PCNX2: variants seen among roughly 807,000 people sequenced by gnomAD.
PCNX2 encodes the protein pecanex-like protein 2.
A neutral mutation model predicts 223.8 loss-of-function variants in PCNX2; 168 were observed. The ratio of observed to expected loss-of-function variants is 0.75; its 90% CI spans 0.66 to 0.85. The LOEUF is 0.85. Ranked by LOEUF, PCNX2 falls within the 40% of genes least tolerant of loss-of-function variation. The pLI, the probability that PCNX2 is intolerant of heterozygous loss-of-function variation, is 0.00. For missense variants in PCNX2, 2,507 were observed against 2,675.5 expected (o/e 0.94, Z 1.39); for synonymous variants, 1,006 against 1,052.6 (o/e 0.96, Z 0.86).
intron 23 of PCNX2, among the ~76,000 whole-genome samples, chr1:233,067,949 G>T (rs1306465739): frequency 6.6e-6 from 1 of 151,976 alleles, no homozygotes; most frequent in Non-Finnish European, 1.5e-5. Flanking sequence ...TGTAATTAAA[G>T]AACTAAAATC....
At position 233,135,031 on chromosome 1, in the gene PCNX2, C is replaced by A. The variant is rs761400087; in HGVS notation, c.3819G>T (p.Val1273=). The part of the protein sequence containing the change: ...SESFLLDFFM[V]SILFSKLGDL... ...CACTTGCCTTGCTAAATAAAATGGA[C>A]ACCATGAAGAAATCCAGTAAGAAGC... Residue 1273 remains valine, a synonymous_variant, in exon 21 of 34, where the codon GTG becomes GTT. Transcript: ENST00000258229. 6.2e-7 allele frequency: 1 copy of A among 1,608,262 alleles called. No homozygotes were observed. The highest frequency in any genetic ancestry group is 8.5e-7 in the Non-Finnish European group (1 of 1,174,754).
chr1:233,291,617 A>AG (rs1661771904), intron 1 of PCNX2: 1 of 908,646 alleles, frequency 1.1e-6, no homozygotes, highest in East Asian at 1.3e-4. Flanking sequence ...TCAAAAAAAA[A>AG]AAAAAAAAAA....
chr1:233,116,196 C>T (rs1236797976), intron 21 of PCNX2, among the ~76,000 whole-genome samples: 4 of 152,094 alleles, frequency 2.6e-5, no homozygotes, highest in African/African-American at 9.7e-5. Context: ...TTCAACACAC[C>T]ACTCTCAACA....
chr1:233,085,696 C>T (rs1020655365), intron 23 of PCNX2, among the ~76,000 whole-genome samples: 1 of 152,170 alleles, frequency 6.6e-6, no homozygotes, highest in African/African-American at 2.4e-5. Flanking sequence ...TAATACCTTA[C>T]TCACTAGAAA....
chr1:233,318,332 C>A, the PCNX2 span, among the ~76,000 whole-genome samples: 4 of 152,100 alleles, frequency 2.6e-5, no homozygotes, highest in Non-Finnish European at 5.9e-5. Flanking sequence ...CTCCCTTTAA[C>A]CGCTGCAGTT....
At chr1:232,985,609 CCTT>C (rs2102771981) in intron 33 of PCNX2, 1 of 271,426 alleles carries the variant, frequency 3.7e-6, no homozygotes, top group African/African-American at 2.2e-5. Flanking sequence ...TTAGAACTCT[CCTT>C]GTCTAGTATT....
rs375535681 is a variant in PCNX2, at chr1:233,225,380, C to T, written c.2504+1846G>A. 5.9e-5 allele frequency among the ~76,000 whole-genome samples: 9 copies of T among 152,118 alleles called. No homozygotes were observed. In the East Asian group the frequency reaches 7.7e-4, roughly 13 times the overall value. ...TTATACCCATTTAACAGATAGGAAA[C>T]GGACGCACTGGAAGGTTTCATAGCC... On this transcript the variant is annotated intron_variant, in intron 10 of 33. Transcript: ENST00000258229.
chr1:233,018,223 C>T (rs1206166448), intron 26 of PCNX2, among the ~76,000 whole-genome samples: 3 of 151,018 alleles, frequency 2.0e-5, no homozygotes, highest in Non-Finnish European at 4.4e-5. Flanking sequence ...GAGACAGGAT[C>T]TTGTTGCCCA....
chr1:233,187,515 C>T (rs75321931), intron 15 of PCNX2, among the ~76,000 whole-genome samples: 8,894 of 152,220 alleles, frequency 0.058, 518 homozygotes, highest in East Asian at 0.31. Context: ...TGGATTTGAT[C>T]CCAGCATGCT....
In PCNX2 at chr1:232,998,304, C is replaced by T; in HGVS notation, c.5738G>A (p.Arg1913Lys). ...CACCCCGTGCTGAGCACCGCCTTTT[C>T]TGGGCTGTTCTGCGCTGCTCTCCTG... ...GSQESSAEQP[R>K]KGGAQHGVSS... Residue 1913 changes from arginine to lysine, a missense_variant, in exon 32 of 34, where the codon AGA becomes AAA. Physicochemically the swap from Arg to Lys is conservative, Grantham distance 26. This residue lies in a region of PCNX2 where 1,372 missense variants were observed against 1,509.4 expected (regional missense o/e 0.91). Transcript: ENST00000258229. The T allele has an allele frequency of 6.2e-7, 1 of 1,610,118 alleles. No homozygotes were observed. The highest frequency in any genetic ancestry group is 1.3e-5 in the African/African-American group (1 of 74,912).
At chr1:233,109,853 A>G (rs910919028) in intron 21 of PCNX2, among the ~76,000 whole-genome samples, 3 of 152,204 alleles carry the variant, frequency 2.0e-5, no homozygotes, top group African/African-American at 2.4e-5. Flanking sequence ...AGTGGCTCAC[A>G]CCTGTAATCC....
chr1:233,226,710 T>C (rs576109902), intron 10 of PCNX2, among the ~76,000 whole-genome samples: 2 of 152,210 alleles, frequency 1.3e-5, no homozygotes, highest in African/African-American at 4.8e-5. Flanking sequence ...AAGGAAAAAT[T>C]AACATTCAAG....
At chr1:233,231,471 G>A (rs1267514998) in intron 9 of PCNX2, 1 of 196,558 alleles carries the variant, frequency 5.1e-6, no homozygotes, top group East Asian at 1.9e-4. Flanking sequence ...GCCCTGTTAT[G>A]TGAAAGAGAG....
Position 233,095,796 on chromosome 1 carries a change from C to T in PCNX2, c.3905G>A (p.Gly1302Asp), listed in dbSNP as rs1476096735. The T allele has an allele frequency of 6.2e-7, 1 of 1,612,480 alleles. No homozygotes were observed. The highest frequency in any genetic ancestry group is 8.5e-7 in the Non-Finnish European group (1 of 1,179,212). ...CTGAGCAAACACGTGAAACGAAGAA[C>T]CCCAAGCCATCTGCCAAGGAGCCAC... ...TYVAPWQMAW[G>D]SSFHVFAQLF... Residue 1302 changes from glycine (G) to aspartate (D), a missense_variant, in exon 22 of 34, where the codon GGT becomes GAT. By Grantham distance (94) the Gly-to-Asp change is moderately conservative. Coordinates refer to ENST00000258229, the MANE Select transcript of PCNX2 (RefSeq NM_014801.4).
chr1:233,162,985 T>C (rs1212330666), intron 17 of PCNX2, among the ~76,000 whole-genome samples: 1 of 152,176 alleles, frequency 6.6e-6, no homozygotes, highest in African/African-American at 2.4e-5. Flanking sequence ...GCTCGAATTA[T>C]TATTAACCTT....
chr1:233,106,043 G>C (rs1674751220), intron 21 of PCNX2, among the ~76,000 whole-genome samples: 1 of 152,178 alleles, frequency 6.6e-6, no homozygotes, highest in African/African-American at 2.4e-5. Context: ...AAGGAAGCAA[G>C]GGTGGACTTC....
intron 13 of PCNX2, among the ~76,000 whole-genome samples, chr1:233,208,105 G>A (rs558195514): frequency 1.2e-4 from 19 of 152,148 alleles, no homozygotes; most frequent in East Asian, 7.8e-4. Flanking sequence ...ACAGGCATGC[G>A]CCAACATGCC....
chr1:233,052,744 T>C (rs1410936544), intron 25 of PCNX2, among the ~76,000 whole-genome samples: 1 of 152,152 alleles, frequency 6.6e-6, no homozygotes, highest in Non-Finnish European at 1.5e-5. Context: ...TAAATAAATG[T>C]CTCCTGAATA....
chr1:233,128,851 G>A (rs1676256269), intron 21 of PCNX2, among the ~76,000 whole-genome samples: 1 of 152,214 alleles, frequency 6.6e-6, no homozygotes, highest in African/African-American at 2.4e-5. Flanking sequence ...AGAGGGAAGG[G>A]ATCGAGGAAA....
Sources: allele counts gnomAD v4.1 joint callset (sites outside exome capture counted in the v4.1 genomes callset), GRCh38; gene constraint gnomAD v4.1.1; regional missense constraint gnomAD v4.1.1; transcripts MANE v1.5; gene names NCBI Gene and HGNC (gene_info 2026-07-23, HGNC 2026-07-21).